The following KCNC1 variants were observed in gnomAD, a reference collection of about 807,000 sequenced individuals.
KCNC1 encodes the protein potassium voltage-gated channel subfamily C member 1, also known as voltage-gated potassium channel KCNC1.
In KCNC1, 8 loss-of-function variants were observed where a neutral mutation model predicts 43.4. The ratio of observed to expected loss-of-function variants is 0.18; its 90% CI spans 0.11 to 0.33. The LOEUF (loss-of-function observed/expected upper bound fraction) is 0.33. KCNC1 is among the 10% of genes least tolerant of loss of function. The pLI is 1.00. For missense variants in KCNC1, 420 were observed against 836.0 expected (o/e 0.50, Z 6.14); for synonymous variants, 361 against 360.5 (o/e 1.00, Z -0.01).
chr11:17,781,535 C>A lies in KCNC1; in HGVS notation c.1694-135C>A. The A allele has an allele frequency of 1.5e-6, 1 of 673,152 alleles. No individual in the cohort carries two copies. 41.7% of individuals were successfully genotyped at this position (673,152 alleles called of 1,614,324 possible). A position where few individuals can be genotyped will look rare whatever the true frequency, so the allele number is the denominator to read the frequency against. On this transcript the variant is annotated intron_variant, in intron 3 of 3. Transcript: ENST00000265969. The surrounding 1 kb of genome is among the most constrained non-coding windows in gnomAD (Gnocchi z 5.1). ...GGCTCAGTGCATGGGCAAACCAAGC[C>A]AGCTGGAGAAGAATCTGCCTGCCTC...
In KCNC1 at chr11:17,771,704, A is replaced by G; in HGVS notation, c.610A>G (p.Ile204Val). ...FASLFFILVS[I>V]TTFCLETHER... ...TTCCCTCTTCTTCATCCTGGTCTCC[A>G]TCACCACCTTCTGCCTGGAGACCCA... Residue 204 changes from isoleucine to valine, a missense_variant, in exon 2 of 4, where the codon ATC becomes GTC. Ile to Val is a conservative substitution (Grantham distance 29). Transcript: ENST00000265969. This position sits in a 1 kb window ranked among gnomAD's most constrained non-coding sequence, Gnocchi z 4.7. 1 of 1,612,496 alleles carries G rather than the reference A, an allele frequency of 6.2e-7. No homozygotes were observed. The highest frequency in any genetic ancestry group is 8.5e-7 in the Non-Finnish European group (1 of 1,178,542).
At position 17,772,477 on chromosome 11, in the gene KCNC1, G is replaced by T. The variant is rs200078349; in HGVS notation, c.1383G>T (p.Pro461=). ...CAAAGAAAAAAAAGAAGCATATTCC[G>T]CGGCCACCGCAGCTGGGATCTCCCA... ...KLPKKKKKHI[P]RPPQLGSPNY... Residue 461 remains proline, a synonymous_variant, in exon 2 of 4, where the codon CCG becomes CCT. Coordinates refer to ENST00000265969, the MANE Select transcript of KCNC1 (RefSeq NM_001112741.2). 5 of 1,614,066 alleles carry T rather than the reference G, an allele frequency of 3.1e-6. No individual in the cohort carries two copies. The highest frequency in any genetic ancestry group is 3.4e-6 in the Non-Finnish European group (4 of 1,180,034).
chr11:17,747,292 C>T (rs548769665), intron 1 of KCNC1, among the ~76,000 whole-genome samples: 2 of 152,290 alleles, frequency 1.3e-5, no homozygotes, highest in African/African-American at 4.8e-5. Flanking sequence ...GGTTATGGGC[C>T]GCTTGTCCCT....
intron 1 of KCNC1, among the ~76,000 whole-genome samples, chr11:17,753,695 C>CG (rs1181181858): frequency 2.1e-5 from 3 of 141,504 alleles, no homozygotes; most frequent in Non-Finnish European, 4.7e-5. Flanking sequence ...GGCCAGGCCC[C>CG]GGCGTGGGGG....
In KCNC1 at chr11:17,771,489, G is replaced by A. The variant is rs539726242; in HGVS notation, c.571-176G>A. The stretch of plus-strand genomic sequence containing the variant: ...GAAGGCGGAGTAGGAGGGTTTTAGA[G>A]CCTGCCCTGACGGTCGTGCAGGCCC... On this transcript the variant is annotated intron_variant, in intron 1 of 3. Coordinates refer to ENST00000265969, the MANE Select transcript of KCNC1 (RefSeq NM_001112741.2). The surrounding 1 kb of genome is among the most constrained non-coding windows in gnomAD (Gnocchi z 4.7). Among the ~76,000 whole-genome samples, 3 of 152,306 alleles carry A rather than the reference G, an allele frequency of 2.0e-5. No individual in the cohort carries two copies. The South Asian group carries it at 6.2e-4, about 32-fold the overall frequency.
At chr11:17,749,707 C>T (rs1354234591) in intron 1 of KCNC1, among the ~76,000 whole-genome samples, 3 of 152,176 alleles carry the variant, frequency 2.0e-5, no homozygotes, top group Non-Finnish European at 4.4e-5. Flanking sequence ...GCCCTGTAAA[C>T]CCACGTGTGT....
chr11:17,772,081 G>A lies in KCNC1; in HGVS notation c.987G>A (p.Val329=). Residue 329 remains valine (V), a synonymous_variant, in exon 2 of 4, where the codon GTG becomes GTA. Transcript: ENST00000265969. Reference sequence around the variant, plus strand: ...TCTTTAAGCTGACCCGCCACTTTGTGGGCCTGCGGGTCCTGGGCCACACGC... The same window carrying A: ...TCTTTAAGCTGACCCGCCACTTTGTAGGCCTGCGGGTCCTGGGCCACACGC... ...LRIFKLTRHF[V]GLRVLGHTLR... is the part of the protein sequence containing the mutation. The A allele has an allele frequency of 6.2e-7, 1 of 1,613,520 alleles. No individual in the cohort carries two copies. Among genetic ancestry groups the A allele is most frequent in the Non-Finnish European group, 8.5e-7 (1 of 1,179,874 alleles).
In KCNC1 at chr11:17,740,310, T is replaced by G. The variant is rs115651122; in HGVS notation, c.570+3738T>G. Among the ~76,000 whole-genome samples the G allele has an allele frequency of 3.0e-3, 453 of 152,100 alleles. 1 individual carries two copies. The highest frequency in any genetic ancestry group is 0.011 in the African/African-American group (442 of 41,460). ...GGTGCCCCTGACACACACAAGACAA[T>G]GATGATGGTGGTACTGTTTGGAGAG... On this transcript the variant is annotated intron_variant, in intron 1 of 3. Coordinates refer to ENST00000265969, the MANE Select transcript of KCNC1 (RefSeq NM_001112741.2).
Position 17,777,226 on chromosome 11 carries a change from A to G in KCNC1, c.1505-2230A>G, listed in dbSNP as rs1437423324. 6.1e-6 allele frequency: 6 copies of G among 985,672 alleles called. No individual in the cohort carries two copies. The highest frequency in any genetic ancestry group is 1.7e-5 in the African/African-American group (1 of 57,172). 61.1% of individuals were successfully genotyped at this position (985,672 alleles called of 1,614,324 possible). On this transcript the variant is annotated intron_variant, in intron 2 of 3. Transcript: ENST00000265969. The surrounding 1 kb of genome is among the most constrained non-coding windows in gnomAD (Gnocchi z 4.3). ...AAGGGTCTCAGGCGGCACCATCTCC[A>G]CAGAGGCAGAGGCAGAGAGAAGGCA...
chr11:17,747,124 C>T (rs948913410), intron 1 of KCNC1, among the ~76,000 whole-genome samples: 3 of 152,172 alleles, frequency 2.0e-5, no homozygotes, highest in South Asian at 2.1e-4. Context: ...GCTCACCTAC[C>T]GTGGTCCCTG....
chr11:17,737,437 C>T (rs1388566517), intron 1 of KCNC1, among the ~76,000 whole-genome samples: 2 of 152,072 alleles, frequency 1.3e-5, no homozygotes, highest in South Asian at 2.1e-4. Flanking sequence ...GGGCCACTCC[C>T]CTATAGCCAT....
chr11:17,740,633 G>A (rs1848827702), intron 1 of KCNC1, among the ~76,000 whole-genome samples: 1 of 152,092 alleles, frequency 6.6e-6, no homozygotes, highest in Admixed American at 6.5e-5. Context: ...CTGCAGGCCA[G>A]AGTGTCCTGT....
chr11:17,747,941 A>C (rs1352220342), intron 1 of KCNC1, among the ~76,000 whole-genome samples: 1 of 152,182 alleles, frequency 6.6e-6, no homozygotes, highest in Non-Finnish European at 1.5e-5. Flanking sequence ...CCCGCTTTGC[A>C]CATAAACACA....
rs1206386426 is a variant in KCNC1, at chr11:17,773,256, C to T, written c.1504+658C>T. On this transcript the variant is annotated intron_variant, in intron 2 of 3. Transcript: ENST00000265969. The surrounding 1 kb of genome is among the most constrained non-coding windows in gnomAD (Gnocchi z 4.1). ...CTTACCCCATAGCATGCTGAACCAA[C>T]TCATCTTCTACCACCACTCTAGAGT... The T allele has an allele frequency of 3.0e-6, 3 of 985,508 alleles. No individual in the cohort carries two copies. The highest frequency in any genetic ancestry group is 3.6e-6 in the Non-Finnish European group (3 of 830,072). 61.0% of individuals were successfully genotyped at this position (985,508 alleles called of 1,614,324 possible).
chr11:17,739,028 G>A lies in KCNC1; in HGVS notation c.570+2456G>A, dbSNP rs992880406. ...GGGATTAGAACCCCAGCTTCCTGCC[G>A]CCCGCCCGGCTGGCCTAGCTGCACT... On this transcript the variant is annotated intron_variant, in intron 1 of 3. Transcript: ENST00000265969. This position sits in a 1 kb window ranked among gnomAD's most constrained non-coding sequence, Gnocchi z 4.2. Among the ~76,000 whole-genome samples the A allele has an allele frequency of 6.6e-6, 1 of 152,190 alleles. No homozygotes were observed. Among genetic ancestry groups the A allele is most frequent in the Non-Finnish European group, 1.5e-5 (1 of 68,040 alleles).
At position 17,773,142 on chromosome 11, in the gene KCNC1, A is replaced by G. The variant is rs1849249990; in HGVS notation, c.1504+544A>G. The G allele has an allele frequency of 2.0e-6, 2 of 988,628 alleles. No homozygotes were observed. The highest frequency in any genetic ancestry group is 2.4e-6 in the Non-Finnish European group (2 of 832,268). 61.2% of individuals were successfully genotyped at this position (988,628 alleles called of 1,614,324 possible). On this transcript the variant is annotated intron_variant, in intron 2 of 3. Coordinates refer to ENST00000265969, the MANE Select transcript of KCNC1 (RefSeq NM_001112741.2). The surrounding 1 kb of genome is among the most constrained non-coding windows in gnomAD (Gnocchi z 4.1). ...CTCACCCCCGGCAGAGCCTGTCTCC[A>G]TAGCTGAGTAGAATTCCTGCCCTGA...
chr11:17,735,249 C>A lies in KCNC1; in HGVS notation c.-754C>A, dbSNP rs937903604. 17 of 152,020 alleles carry A rather than the reference C, an allele frequency of 1.1e-4. No individual in the cohort carries two copies. Among genetic ancestry groups the A allele is most frequent in the Admixed American group, 9.8e-4 (15 of 15,282 alleles). 9.4% of individuals were successfully genotyped at this position (152,020 alleles called of 1,614,324 possible). ...CCCGGGTGCCCCTGCCCAGGGGGCC[C>A]GCCATCTCCTCCAGGAGGCGGGGAG... is the stretch of plus-strand genomic sequence containing the variant. On this transcript the variant is annotated 5_prime_UTR_variant, in exon 1 of 4. Coordinates refer to ENST00000265969, the MANE Select transcript of KCNC1 (RefSeq NM_001112741.2). The surrounding 1 kb of genome is among the most constrained non-coding windows in gnomAD (Gnocchi z 6.7).
chr11:17,758,876 G>C (rs1849047729), intron 1 of KCNC1, among the ~76,000 whole-genome samples: 1 of 152,222 alleles, frequency 6.6e-6, no homozygotes, highest in Non-Finnish European at 1.5e-5. Flanking sequence ...GGGACTCACA[G>C]AGTGGTAAGT....
chr11:17,746,665 A>C (rs1590094473), intron 1 of KCNC1, among the ~76,000 whole-genome samples: 1 of 152,184 alleles, frequency 6.6e-6, no homozygotes, highest in East Asian at 1.9e-4. Context: ...TTCTGTCCCA[A>C]ATCCCCTGCT....
Sources: allele counts gnomAD v4.1 joint callset (sites outside exome capture counted in the v4.1 genomes callset), GRCh38; gene constraint gnomAD v4.1.1; non-coding constraint Gnocchi (gnomAD v3.1); transcripts MANE v1.5; gene names NCBI Gene and HGNC (gene_info 2026-07-23, HGNC 2026-07-21).